C1orf21: variants seen among roughly 807,000 people sequenced by gnomAD.
C1orf21 encodes uncharacterized protein C1orf21.
In C1orf21, 3 loss-of-function variants were observed where a neutral mutation model predicts 18.7. That is an observed-to-expected ratio of 0.16 (90% CI 0.07 to 0.42). The LOEUF (loss-of-function observed/expected upper bound fraction) is 0.42, where lower values mean the gene tolerates loss of function less well. C1orf21 is among the 10% of genes least tolerant of loss of function. The pLI, the probability that C1orf21 is intolerant of heterozygous loss-of-function variation, is 0.99. For missense variants in C1orf21, 104 were observed against 143.6 expected, an observed-to-expected ratio of 0.72 and a Z score of 1.41; for synonymous variants, 41 against 46.4, an observed-to-expected ratio of 0.88 and a Z score of 0.47.
At chr1:184,582,439 T>C (rs761935965) in intron 3 of C1orf21, among the ~76,000 whole-genome samples, 103 of 152,254 alleles carry the variant, frequency 6.8e-4, no homozygotes, top group Non-Finnish European at 1.3e-3. Flanking sequence ...GGCACACCCT[T>C]TGAGAGTCCC....
At chr1:184,454,856 T>C (rs1013908206) in intron 1 of C1orf21, among the ~76,000 whole-genome samples, 1 of 152,174 alleles carries the variant, frequency 6.6e-6, no homozygotes, top group Non-Finnish European at 1.5e-5. Flanking sequence ...CAGGTGTTTC[T>C]TTATAGCAGT....
intron 4 of C1orf21, among the ~76,000 whole-genome samples, chr1:184,596,837 C>T (rs1370089577): frequency 1.3e-5 from 2 of 148,920 alleles, no homozygotes; most frequent in Non-Finnish European, 3.0e-5. Context: ...CACCACTGTA[C>T]TCCAGCCTGG....
rs996456844 is a variant in C1orf21, at chr1:184,628,544, T to A, written c.*8988T>A. 1 of 152,466 alleles carries A rather than the reference T, an allele frequency of 6.6e-6. No homozygotes were observed. Among genetic ancestry groups the A allele is most frequent in the East Asian group, 1.9e-4 (1 of 5,204 alleles). The allele number at this position is 152,466 out of a possible 1,614,324, so 9.4% of individuals were successfully genotyped here. Reference sequence around the variant, plus strand: ...TTTGGCCTGCAGAATAAGAAAGTCCTAAGGCAGAATCCCCAGGAACTTCAA... The same window carrying A: ...TTTGGCCTGCAGAATAAGAAAGTCCAAAGGCAGAATCCCCAGGAACTTCAA... On this transcript the variant is annotated 3_prime_UTR_variant, in exon 6 of 6. Transcript: ENST00000235307.
intron 3 of C1orf21, among the ~76,000 whole-genome samples, chr1:184,568,034 C>T (rs1420582147): frequency 6.6e-6 from 1 of 152,170 alleles, no homozygotes; most frequent in Non-Finnish European, 1.5e-5. Context: ...ACAAGACACC[C>T]AGACCTTGTA....
chr1:184,434,737 A>G (rs921695533), intron 1 of C1orf21, among the ~76,000 whole-genome samples: 1 of 152,168 alleles, frequency 6.6e-6, no homozygotes, highest in Non-Finnish European at 1.5e-5. Flanking sequence ...TCCACATAAG[A>G]TATTCCTAGA....
In C1orf21 at chr1:184,626,196, G is replaced by T. The variant is rs1660007242; in HGVS notation, c.*6640G>T. The T allele has an allele frequency of 6.6e-6, 1 of 152,232 alleles. No homozygotes were observed. Among genetic ancestry groups the T allele is most frequent in the South Asian group, 2.1e-4 (1 of 4,822 alleles). 9.4% of individuals were successfully genotyped at this position (152,232 alleles called of 1,614,324 possible). Reference sequence around the variant, plus strand: ...ACTAAATCCACCTTCAAGGAACCTAGCCATAACGAGGGAGGCAGCATGGAA... The same window carrying T: ...ACTAAATCCACCTTCAAGGAACCTATCCATAACGAGGGAGGCAGCATGGAA... On this transcript the variant is annotated 3_prime_UTR_variant, in exon 6 of 6. Transcript: ENST00000235307.
intron 1 of C1orf21, among the ~76,000 whole-genome samples, chr1:184,466,836 T>TA (rs1372568903): frequency 6.6e-6 from 1 of 152,210 alleles, no homozygotes; most frequent in African/African-American, 2.4e-5. Context: ...TTGTCTTACT[T>TA]ATTTTGGAAT....
At chr1:184,492,979 C>G (rs189911392) in intron 2 of C1orf21, among the ~76,000 whole-genome samples, 1 of 152,266 alleles carries the variant, frequency 6.6e-6, no homozygotes, top group Admixed American at 6.5e-5. Context: ...TGTTTATTAA[C>G]TTATATAGCT....
intron 4 of C1orf21, among the ~76,000 whole-genome samples, chr1:184,591,090 AT>A (rs1659430372): frequency 1.3e-5 from 2 of 152,156 alleles, no homozygotes; most frequent in Admixed American, 1.3e-4. Context: ...ATTCTATACC[AT>A]TTTATATCAG....
At chr1:184,479,890 G>A (rs1020794400) in intron 2 of C1orf21, among the ~76,000 whole-genome samples, 4 of 151,980 alleles carry the variant, frequency 2.6e-5, no homozygotes, top group African/African-American at 9.7e-5. Flanking sequence ...CCCAAAGGGC[G>A]GGGATTACAG....
At chr1:184,438,592 T>G (rs1656896756) in intron 1 of C1orf21, among the ~76,000 whole-genome samples, 1 of 152,310 alleles carries the variant, frequency 6.6e-6, no homozygotes, top group Non-Finnish European at 1.5e-5. Context: ...GACTGAGGTC[T>G]GGGGCTGGGC....
At chr1:184,466,039 T>C (rs1300700387) in intron 1 of C1orf21, among the ~76,000 whole-genome samples, 1 of 152,168 alleles carries the variant, frequency 6.6e-6, no homozygotes, top group Non-Finnish European at 1.5e-5. Flanking sequence ...TACTTTTTGC[T>C]GTAGGAAAGA....
chr1:184,534,967 G>A (rs1000099349), intron 3 of C1orf21, among the ~76,000 whole-genome samples: 1 of 152,152 alleles, frequency 6.6e-6, no homozygotes, highest in Non-Finnish European at 1.5e-5. Context: ...GAGGAGCAGT[G>A]AGGGGCTGGA....
rs186729643 is a variant in C1orf21, at chr1:184,489,555, A to G, written c.94+11952A>G. The stretch of plus-strand genomic sequence containing the variant: ...AAATGAGCATGCCCTTTGCCCCAGG[A>G]GACCCAGTGCTAGGAATTTATCTTA... On this transcript the variant is annotated intron_variant, in intron 2 of 5. Transcript: ENST00000235307. Among the ~76,000 whole-genome samples the G allele has an allele frequency of 2.0e-4, 30 of 152,336 alleles. No homozygotes were observed. The East Asian group carries it at 3.9e-3, about 20-fold the overall frequency.
At chr1:184,567,179 C>T (rs1659046713) in intron 3 of C1orf21, 1 of 477,856 alleles carries the variant, frequency 2.1e-6, no homozygotes, top group Admixed American at 2.3e-5. Context: ...GCTCACAGTC[C>T]ACACCAATAG....
At chr1:184,462,025 C>G (rs966465668) in intron 1 of C1orf21, among the ~76,000 whole-genome samples, 1 of 152,142 alleles carries the variant, frequency 6.6e-6, no homozygotes, top group East Asian at 1.9e-4. Context: ...ATAAACCAAA[C>G]CAAATTAAAC....
At chr1:184,586,371 C>CT (rs1237883073) in intron 3 of C1orf21, among the ~76,000 whole-genome samples, 5 of 151,372 alleles carry the variant, frequency 3.3e-5, no homozygotes, top group Non-Finnish European at 4.4e-5. Flanking sequence ...CAGGCTCCGC[C>CT]CCCTGGGGTT....
At chr1:184,416,439 G>A (rs1048141519) in intron 1 of C1orf21, among the ~76,000 whole-genome samples, 1 of 152,052 alleles carries the variant, frequency 6.6e-6, no homozygotes, top group African/African-American at 2.4e-5. Context: ...GCCTATGTGT[G>A]TCTAAGTGGG....
intron 1 of C1orf21, among the ~76,000 whole-genome samples, chr1:184,415,075 C>T (rs1024709813): frequency 1.3e-5 from 2 of 152,176 alleles, no homozygotes; most frequent in Admixed American, 6.5e-5. Flanking sequence ...AATGATGAGA[C>T]ATACCTTCCT....
Sources: gnomAD v4.1 joint callset for allele counts (sites outside exome capture counted in the v4.1 genomes callset) on GRCh38, gnomAD v4.1.1 for gene constraint, MANE v1.5 for transcripts, NCBI Gene and HGNC (gene_info 2026-07-23, HGNC 2026-07-21) for gene names.